Variants in TMEM117 observed in about 807,000 individuals in gnomAD.
The protein encoded by TMEM117 is transmembrane protein 117.
TMEM117 carries 27 observed loss-of-function variants against 52.4 expected under a neutral mutation model. That is an observed-to-expected ratio of 0.51 (90% CI 0.38 to 0.71). The LOEUF (loss-of-function observed/expected upper bound fraction) is 0.71. TMEM117 is among the 30% of genes least tolerant of loss of function. The probability of loss-of-function intolerance (pLI) is 0.00; values close to 1 mark genes in which losing one functional copy is unlikely to be tolerated. For synonymous variants in TMEM117, 215 were observed against 206.3 expected, an observed-to-expected ratio of 1.04 and a Z score of -0.36; for missense variants, 556 against 630.5, an observed-to-expected ratio of 0.88 and a Z score of 1.26.
chr12:43,944,239 G>A lies in TMEM117; in HGVS notation c.307G>A (p.Glu103Lys). ...GQLLRLKMFREDHGSWMTMFF... is the reference protein window; with the variant it reads ...GQLLRLKMFRKDHGSWMTMFF... The stretch of plus-strand genomic sequence containing the variant: ...GTTGCTCCGATTAAAAATGTTTCGA[G>A]AAGATCATGGGTCGTGGATGACAAT... The change falls in exon 3 of 8, where the codon GAA becomes AAA. Residue 103 changes from glutamate to lysine, a missense_variant. Physicochemically the swap from Glu to Lys is moderately conservative, Grantham distance 56. Around this residue, in one of 3 missense-constraint regions of TMEM117, gnomAD observed 328 missense variants for 371.4 expected, o/e 0.88. Transcript: ENST00000266534. The A allele has an allele frequency of 6.2e-7, 1 of 1,612,118 alleles. No homozygotes were observed. The highest frequency in any genetic ancestry group is 8.5e-7 in the Non-Finnish European group (1 of 1,179,334).
the TMEM117 span, among the ~76,000 whole-genome samples, chr12:44,394,765 A>G: frequency 3.9e-5 from 6 of 152,176 alleles, no homozygotes; most frequent in Non-Finnish European, 8.8e-5. Context: ...AAGCTGACAC[A>G]TGCACCTGAG....
At chr12:44,167,550 C>T (rs929260299) in intron 4 of TMEM117, among the ~76,000 whole-genome samples, 2 of 151,998 alleles carry the variant, frequency 1.3e-5, no homozygotes, top group Admixed American at 6.5e-5. Context: ...CGCCTGTAGT[C>T]CAGCTACTCG....
intron 5 of TMEM117, among the ~76,000 whole-genome samples, chr12:44,216,236 G>C (rs1380337362): frequency 6.6e-6 from 1 of 151,876 alleles, no homozygotes; most frequent in Non-Finnish European, 1.5e-5. Flanking sequence ...TTGAACCCCT[G>C]ACCTCGCGAT....
Position 43,985,035 on chromosome 12 carries a change from A to G in TMEM117, c.410+40693A>G, listed in dbSNP as rs549489026. Among the ~76,000 whole-genome samples the G allele has an allele frequency of 1.4e-4, 21 of 152,280 alleles. No homozygotes were observed. In the South Asian group the frequency reaches 1.9e-3, roughly 14 times the overall value. On this transcript the variant is annotated intron_variant, in intron 3 of 7. Transcript: ENST00000266534. The stretch of plus-strand genomic sequence containing the variant: ...TTTTTTGTACTTACCTAACATGCAT[A>G]AAGATTGCATATTAATAAACTAGGA...
chr12:43,921,606 C>T (rs61932974), intron 2 of TMEM117, among the ~76,000 whole-genome samples: 7,080 of 152,264 alleles, frequency 0.046, 207 homozygotes, highest in Middle Eastern at 0.13. Context: ...TCTACCTTCT[C>T]TTTCTTCCTT....
At chr12:44,369,916 A>G (rs1429289513) in intron 6 of TMEM117, among the ~76,000 whole-genome samples, 1 of 152,222 alleles carries the variant, frequency 6.6e-6, no homozygotes, top group Non-Finnish European at 1.5e-5. Context: ...AAGTGAGAAT[A>G]CAACATAAGA....
At chr12:44,357,561 A>C (rs1951667440) in intron 6 of TMEM117, among the ~76,000 whole-genome samples, 1 of 152,070 alleles carries the variant, frequency 6.6e-6, no homozygotes, top group Non-Finnish European at 1.5e-5. Flanking sequence ...GAACTTTTAA[A>C]AATGGTAGCG....
chr12:44,102,690 A>C (rs970368500), intron 3 of TMEM117, among the ~76,000 whole-genome samples: 2 of 151,972 alleles, frequency 1.3e-5, no homozygotes, highest in Non-Finnish European at 2.9e-5. Context: ...TTTTGGTCTT[A>C]AGTTCCTCAT....
the TMEM117 span, among the ~76,000 whole-genome samples, chr12:43,807,714 A>G: frequency 2.0e-5 from 3 of 152,186 alleles, no homozygotes; most frequent in East Asian, 5.8e-4. Flanking sequence ...TCAGTCCTGA[A>G]GAAGAGGAAT....
chr12:44,385,395 A>G (rs754762033), intron 7 of TMEM117, among the ~76,000 whole-genome samples: 1 of 152,184 alleles, frequency 6.6e-6, no homozygotes, highest in East Asian at 1.9e-4. Context: ...AAATAATTAA[A>G]TAGTGCTGGA....
chr12:44,145,259 G>A (rs1220375285), intron 4 of TMEM117, among the ~76,000 whole-genome samples: 2 of 152,032 alleles, frequency 1.3e-5, no homozygotes, highest in Admixed American at 6.5e-5. Context: ...AAATTTGAGG[G>A]GATGTTTAAA....
chr12:44,014,854 G>C (rs1429186514), intron 3 of TMEM117, among the ~76,000 whole-genome samples: 1 of 150,296 alleles, frequency 6.7e-6, no homozygotes, highest in Non-Finnish European at 1.5e-5. Flanking sequence ...TTTTTTCTAT[G>C]TTCTGTGAAA....
At position 44,270,652 on chromosome 12, in the gene TMEM117, T is replaced by C. The variant is rs536926546; in HGVS notation, c.609-28928T>C. Among the ~76,000 whole-genome samples the C allele has an allele frequency of 5.3e-5, 8 of 152,266 alleles. No individual in the cohort carries two copies. In the South Asian group the frequency reaches 1.2e-3, roughly 24 times the overall value. On this transcript the variant is annotated intron_variant, in intron 5 of 7. Coordinates refer to ENST00000266534, the MANE Select transcript of TMEM117 (RefSeq NM_032256.3). ...TCTGGCTGGGACTTCCAGTACTATT[T>C]TGAATAGAAGTGGTGAGAGTGGGCA...
chr12:43,911,808 C>T (rs1944507136), intron 2 of TMEM117, among the ~76,000 whole-genome samples: 1 of 102,848 alleles, frequency 9.7e-6, no homozygotes, highest in African/African-American at 2.7e-5. Flanking sequence ...TACCATTTCA[C>T]ACCAGTTAGA....
intron 4 of TMEM117, among the ~76,000 whole-genome samples, chr12:44,172,651 C>T (rs540280691): frequency 4.6e-5 from 7 of 152,272 alleles, no homozygotes; most frequent in Middle Eastern, 3.4e-3. Context: ...CAGTTAAACC[C>T]GTAACACTGC....
At chr12:44,281,679 G>A (rs1214038737) in intron 5 of TMEM117, among the ~76,000 whole-genome samples, 1 of 152,138 alleles carries the variant, frequency 6.6e-6, no homozygotes, top group Non-Finnish European at 1.5e-5. Flanking sequence ...GATACAGTTA[G>A]TTAAGAAAAT....
At chr12:44,115,648 T>C (rs1948128485) in intron 3 of TMEM117, among the ~76,000 whole-genome samples, 1 of 152,168 alleles carries the variant, frequency 6.6e-6, no homozygotes, top group African/African-American at 2.4e-5. Flanking sequence ...CATCAGGCTG[T>C]TTCTACAATT....
the TMEM117 span, among the ~76,000 whole-genome samples, chr12:43,828,638 A>G: frequency 6.6e-6 from 1 of 152,170 alleles, no homozygotes; most frequent in East Asian, 1.9e-4. Flanking sequence ...GGTGCCAATT[A>G]TTTCCCTTGA....
chr12:43,996,660 A>ATAAATAAG (rs1946036292), intron 3 of TMEM117, among the ~76,000 whole-genome samples: 1 of 151,594 alleles, frequency 6.6e-6, no homozygotes, highest in Non-Finnish European at 1.5e-5. Context: ...AAATAAATAA[A>ATAAATAAG]TAAATAAATA....
Sources: gnomAD v4.1 joint callset for allele counts (sites outside exome capture counted in the v4.1 genomes callset) on GRCh38, gnomAD v4.1.1 for gene constraint, gnomAD v4.1.1 regional missense constraint, MANE v1.5 for transcripts, NCBI Gene and HGNC (gene_info 2026-07-23, HGNC 2026-07-21) for gene names.